MLLT1: variants seen among roughly 807,000 people sequenced by gnomAD.
MLLT1 encodes MLLT1 super elongation complex subunit.
MLLT1 carries 11 observed loss-of-function variants against 55.1 expected under a neutral mutation model. That is an observed-to-expected ratio of 0.20 (90% CI 0.13 to 0.33). MLLT1 has a LOEUF of 0.33. Among genes scored for constraint, MLLT1 ranks in the 10% least tolerant of loss-of-function variants. The pLI is 1.00. For synonymous variants in MLLT1, 323 were observed against 320.1 expected (o/e 1.01, Z -0.10); for missense variants, 536 against 760.6 (o/e 0.70, Z 3.47).
intron 1 of MLLT1, among the ~76,000 whole-genome samples, chr19:6,279,474 G>A (rs2091445688): frequency 6.6e-6 from 1 of 151,906 alleles, no homozygotes; most frequent in Admixed American, 6.5e-5. Flanking sequence ...GATGCAGGTC[G>A]GACTGGCGTT....
At chr19:6,221,300 T>G (rs2090894589) in intron 6 of MLLT1, among the ~76,000 whole-genome samples, 1 of 152,180 alleles carries the variant, frequency 6.6e-6, no homozygotes. Flanking sequence ...GTTGTCTAAA[T>G]GCCAAGTGCC....
Position 6,222,707 on chromosome 19 carries a change from G to T in MLLT1, c.547-23C>A. On this transcript the variant is annotated intron_variant, in intron 5 of 11. Transcript: ENST00000252674. The surrounding 1 kb of genome is among the most constrained non-coding windows in gnomAD (Gnocchi z 4.1). ...GTCCTGCAAGGCCAAGAGCAGGGAGGGCAAGGGGAGAGACAAGGTCACGTG... is the reference window on the plus strand; with the variant it reads ...GTCCTGCAAGGCCAAGAGCAGGGAGTGCAAGGGGAGAGACAAGGTCACGTG... The T allele has an allele frequency of 6.7e-7, 1 of 1,499,526 alleles. No homozygotes were observed. The highest frequency in any genetic ancestry group is 1.3e-5 in the South Asian group (1 of 77,186). The allele number at this position is 1,499,526 out of a possible 1,614,324, so 92.9% of individuals were successfully genotyped here. A position where few individuals can be genotyped will look rare whatever the true frequency, so the allele number is the denominator to read the frequency against.
chr19:6,240,329 G>A lies in MLLT1; in HGVS notation c.277-9616C>T, dbSNP rs1427101319. Among the ~76,000 whole-genome samples the A allele has an allele frequency of 1.3e-5, 2 of 152,186 alleles. No individual in the cohort carries two copies. Among genetic ancestry groups the A allele is most frequent in the South Asian group, 2.1e-4 (1 of 4,838 alleles). On this transcript the variant is annotated intron_variant, in intron 3 of 11. Coordinates refer to ENST00000252674, the MANE Select transcript of MLLT1 (RefSeq NM_005934.4). The surrounding 1 kb of genome is among the most constrained non-coding windows in gnomAD (Gnocchi z 4.7). Reference sequence around the variant, plus strand: ...GAGGCTGGCCCTGGTCAGGGGAGGCGGGGGAGTTTTCTTCTTGTACCCCTG... The same window carrying A: ...GAGGCTGGCCCTGGTCAGGGGAGGCAGGGGAGTTTTCTTCTTGTACCCCTG...
In MLLT1 at chr19:6,212,260, G is replaced by C. The variant is rs2090782136; in HGVS notation, c.*782C>G. The C allele has an allele frequency of 9.4e-6, 10 of 1,064,798 alleles. No homozygotes were observed. Among genetic ancestry groups the C allele is most frequent in the Non-Finnish European group, 1.1e-5 (10 of 879,226 alleles). 66.0% of individuals were successfully genotyped at this position (1,064,798 alleles called of 1,614,324 possible). On this transcript the variant is annotated 3_prime_UTR_variant, in exon 12 of 12. Transcript: ENST00000252674. ...CTTTGTAGTGTTGGCTGACCCCCCCGGGAGCCCCGGTAGGAGGCGGCGGCA... is the reference window on the plus strand; with the variant it reads ...CTTTGTAGTGTTGGCTGACCCCCCCCGGAGCCCCGGTAGGAGGCGGCGGCA...
chr19:6,212,503 C>T lies in MLLT1; in HGVS notation c.*539G>A. ...GCACACACATATATAATAGAGAGAACTATACAGCACAGACCCCAGCGCAGC... is the reference window on the plus strand; with the variant it reads ...GCACACACATATATAATAGAGAGAATTATACAGCACAGACCCCAGCGCAGC... On this transcript the variant is annotated 3_prime_UTR_variant, in exon 12 of 12. Transcript: ENST00000252674. 2 of 1,070,068 alleles carry T rather than the reference C, an allele frequency of 1.9e-6. No individual in the cohort carries two copies. Among genetic ancestry groups the T allele is most frequent in the African/African-American group, 1.6e-5 (1 of 61,226 alleles). 66.3% of individuals were successfully genotyped at this position (1,070,068 alleles called of 1,614,324 possible). A position where few individuals can be genotyped will look rare whatever the true frequency, so the allele number is the denominator to read the frequency against.
rs778489015 is a variant in MLLT1 at position 6,222,282 on chromosome 19, G to A, written c.949C>T (p.Arg317Cys). Residue 317 changes from arginine to cysteine, a missense_variant, in exon 6 of 12, where the codon CGC (arginine) becomes TGC (cysteine). By Grantham distance (180) the Arg-to-Cys change is radical. Transcript: ENST00000252674. The surrounding 1 kb of genome is among the most constrained non-coding windows in gnomAD (Gnocchi z 4.1). ...GSRSAPGTSPRTSSSSSFSDK... is the reference protein window; with the variant it reads ...GSRSAPGTSPCTSSSSSFSDK... ...GAGAAGGAGGAGGAGGAGGAGGTGC[G>A]GGGCGAGGTGCCTGGAGCACTCCGG... The A allele has an allele frequency of 8.1e-6, 13 of 1,610,874 alleles. No individual in the cohort carries two copies. The highest frequency in any genetic ancestry group is 1.7e-5 in the Admixed American group (1 of 59,702).
At chr19:6,215,284 T>C (rs2090829289) in intron 8 of MLLT1, among the ~76,000 whole-genome samples, 1 of 152,210 alleles carries the variant, frequency 6.6e-6, no homozygotes, top group East Asian at 1.9e-4. Context: ...CCAGCCCCTC[T>C]AGAACCGAAC....
chr19:6,258,440 A>G (rs1392008903), intron 3 of MLLT1, among the ~76,000 whole-genome samples: 1 of 152,184 alleles, frequency 6.6e-6, no homozygotes, highest in Non-Finnish European at 1.5e-5. Flanking sequence ...GCATGTTCCC[A>G]GCAGATGTCA....
rs894831222 is a variant in MLLT1, at chr19:6,231,298, G to A, written c.277-585C>T. 6.6e-6 allele frequency among the ~76,000 whole-genome samples: 1 copy of A among 152,198 alleles called. No homozygotes were observed. Among genetic ancestry groups the A allele is most frequent in the Non-Finnish European group, 1.5e-5 (1 of 68,032 alleles). Reference sequence around the variant, plus strand: ...GAAGACAGGGACGCTCGCCTGGCATGGGGCAGGCGCTGATGGATTTTCCGC... The same window carrying A: ...GAAGACAGGGACGCTCGCCTGGCATAGGGCAGGCGCTGATGGATTTTCCGC... On this transcript the variant is annotated intron_variant, in intron 3 of 11. Transcript: ENST00000252674. This position sits in a 1 kb window ranked among gnomAD's most constrained non-coding sequence, Gnocchi z 5.1.
chr19:6,273,851 G>C lies in MLLT1; in HGVS notation c.13-3092C>G, dbSNP rs62106563. Among the ~76,000 whole-genome samples the C allele has an allele frequency of 0.21, 32,074 of 152,230 alleles. 3,636 individuals carry two copies. The highest frequency in any genetic ancestry group is 0.27 in the Middle Eastern group (79 of 294). ...CCTCGGCCGACTTCCCGGCATTTCT[G>C]ATGACAGGGAGTTCCTACCCAGGGC... On this transcript the variant is annotated intron_variant, in intron 1 of 11. Coordinates refer to ENST00000252674, the MANE Select transcript of MLLT1 (RefSeq NM_005934.4). The surrounding 1 kb of genome is among the most constrained non-coding windows in gnomAD (Gnocchi z 4.3).
In MLLT1 at chr19:6,256,685, C is replaced by T. The variant is rs958509246; in HGVS notation, c.276+5543G>A. On this transcript the variant is annotated intron_variant, in intron 3 of 11. Transcript: ENST00000252674. The surrounding 1 kb of genome is among the most constrained non-coding windows in gnomAD (Gnocchi z 4.1). ...AGGAGAATGGTGTGAACCCGGGAGGCGGAGCTTGCAGTGAGCCGAGATGGC... is the reference window on the plus strand; with the variant it reads ...AGGAGAATGGTGTGAACCCGGGAGGTGGAGCTTGCAGTGAGCCGAGATGGC... Among the ~76,000 whole-genome samples the T allele has an allele frequency of 4.0e-5, 6 of 151,620 alleles. No homozygotes were observed. Among genetic ancestry groups the T allele is most frequent in the African/African-American group, 1.5e-4 (6 of 41,240 alleles).
chr19:6,271,674 A>T lies in MLLT1; in HGVS notation c.13-915T>A, dbSNP rs565282702. Among the ~76,000 whole-genome samples the T allele has an allele frequency of 1.5e-4, 23 of 152,320 alleles. 1 individual carries two copies. In the South Asian group the frequency reaches 3.9e-3, roughly 26 times the overall value. ...CCCTGCTTTGTAAAAACCTCCCCAG[A>T]CTTTTCACAGATACGGCCCTGACAC... On this transcript the variant is annotated intron_variant, in intron 1 of 11. Transcript: ENST00000252674.
intron 1 of MLLT1, among the ~76,000 whole-genome samples, chr19:6,274,488 T>C (rs533630758): frequency 6.6e-6 from 1 of 152,262 alleles, no homozygotes; most frequent in African/African-American, 2.4e-5. Flanking sequence ...AGAGGTTAAG[T>C]GACAGGCTCT....
At position 6,226,110 on chromosome 19, in the gene MLLT1, T is replaced by C. The variant is rs2090954412; in HGVS notation, c.546+867A>G. Among the ~76,000 whole-genome samples, 1 of 152,180 alleles carries C rather than the reference T, an allele frequency of 6.6e-6. No individual in the cohort carries two copies. ...GCTGACGGTGAGTCTGTGAGGCAGC[T>C]GGAGAGCCCTGCCTGTCCTGCCTGG... On this transcript the variant is annotated intron_variant, in intron 5 of 11. Coordinates refer to ENST00000252674, the MANE Select transcript of MLLT1 (RefSeq NM_005934.4). The surrounding 1 kb of genome is among the most constrained non-coding windows in gnomAD (Gnocchi z 6.3).
rs971185577 is a variant in MLLT1 at position 6,219,008 on chromosome 19, C to T, written c.1111-967G>A. ...TGGTCTGCTGGATTCTGGCAGGGGC[C>T]GCTGCAGCCGCCAGCCATGCAAGGG... On this transcript the variant is annotated intron_variant, in intron 6 of 11. Transcript: ENST00000252674. The surrounding 1 kb of genome is among the most constrained non-coding windows in gnomAD (Gnocchi z 4.5). Among the ~76,000 whole-genome samples the T allele has an allele frequency of 8.5e-5, 13 of 152,272 alleles. No individual in the cohort carries two copies. Among genetic ancestry groups the T allele is most frequent in the Middle Eastern group, 3.4e-3 (1 of 294 alleles).
In MLLT1 at chr19:6,212,909, G is replaced by A. The variant is rs2090794844; in HGVS notation, c.*133C>T. 1.6e-5 allele frequency: 19 copies of A among 1,185,854 alleles called. No individual in the cohort carries two copies. Among genetic ancestry groups the A allele is most frequent in the South Asian group, 1.1e-4 (7 of 66,298 alleles). The allele number at this position is 1,185,854 out of a possible 1,614,324, so 73.5% of individuals were successfully genotyped here. A position where few individuals can be genotyped will look rare whatever the true frequency, so the allele number is the denominator to read the frequency against. ...AGGGAGCCGCCGAGGAAAGTGCAGCGGGCTGTGCGGGCGAGGACAGGGCTG... is the reference window on the plus strand; with the variant it reads ...AGGGAGCCGCCGAGGAAAGTGCAGCAGGCTGTGCGGGCGAGGACAGGGCTG... On this transcript the variant is annotated 3_prime_UTR_variant, in exon 12 of 12. Coordinates refer to ENST00000252674, the MANE Select transcript of MLLT1 (RefSeq NM_005934.4).
In MLLT1 at chr19:6,273,992, C is replaced by T. The variant is rs1043208969; in HGVS notation, c.13-3233G>A. 1.2e-4 allele frequency among the ~76,000 whole-genome samples: 18 copies of T among 152,234 alleles called. No homozygotes were observed. The highest frequency in any genetic ancestry group is 3.1e-4 in the African/African-American group (13 of 41,458). On this transcript the variant is annotated intron_variant, in intron 1 of 11. Transcript: ENST00000252674. This position sits in a 1 kb window ranked among gnomAD's most constrained non-coding sequence, Gnocchi z 4.3. Reference sequence around the variant, plus strand: ...GTGGCCAAAGTAAACAGGAAGGTTCCGAGGCAGCGATGGGTAATCTTTGCA... The same window carrying T: ...GTGGCCAAAGTAAACAGGAAGGTTCTGAGGCAGCGATGGGTAATCTTTGCA...
At position 6,218,030 on chromosome 19, in the gene MLLT1, T is replaced by C. The variant is rs2090862331; in HGVS notation, c.1122A>G (p.Ser374=). 1 of 1,610,012 alleles carries C rather than the reference T, an allele frequency of 6.2e-7. No homozygotes were observed. Among genetic ancestry groups the C allele is most frequent in the Non-Finnish European group, 8.5e-7 (1 of 1,178,152 alleles). Residue 374 remains serine, a synonymous_variant, in exon 7 of 12, where the codon TCA becomes TCG. Coordinates refer to ENST00000252674, the MANE Select transcript of MLLT1 (RefSeq NM_005934.4). ...AGCTGGAGCTGGAGTTGGACGGGCT[T>C]GACTGGGCAGACTTCACCCAATGGT... The part of the protein sequence containing the change: ...EASFKSESAQ[S]SPSNSSSSSD...
At position 6,240,128 on chromosome 19, in the gene MLLT1, T is replaced by C. The variant is rs1359180069; in HGVS notation, c.277-9415A>G. On this transcript the variant is annotated intron_variant, in intron 3 of 11. Transcript: ENST00000252674. The surrounding 1 kb of genome is among the most constrained non-coding windows in gnomAD (Gnocchi z 4.7). Reference sequence around the variant, plus strand: ...AAGAGGCAGAAAGGCCACCGGTGCCTCTGGCTGGGAGGACAGTGTGGGCAG... The same window carrying C: ...AAGAGGCAGAAAGGCCACCGGTGCCCCTGGCTGGGAGGACAGTGTGGGCAG... Among the ~76,000 whole-genome samples, 1 of 152,158 alleles carries C rather than the reference T, an allele frequency of 6.6e-6. No homozygotes were observed. Among genetic ancestry groups the C allele is most frequent in the Non-Finnish European group, 1.5e-5 (1 of 68,016 alleles).
Sources: gnomAD v4.1 joint callset for allele counts (sites outside exome capture counted in the v4.1 genomes callset) on GRCh38, gnomAD v4.1.1 for gene constraint, Gnocchi (gnomAD v3.1) non-coding constraint, MANE v1.5 for transcripts, NCBI Gene and HGNC (gene_info 2026-07-23, HGNC 2026-07-21) for gene names.